Variants in MYBL2 observed in about 807,000 individuals in gnomAD.
MYBL2 encodes myb-related protein B.
Under a neutral mutation model 79.9 loss-of-function variants are expected in MYBL2, and 28 were observed. The observed-to-expected ratio is 0.35, with a 90% CI of 0.26 to 0.48. The LOEUF is 0.48. Among genes scored for constraint, MYBL2 ranks in the 20% least tolerant of loss-of-function variants. The pLI, the probability that MYBL2 is intolerant of heterozygous loss-of-function variation, is 0.99. For synonymous variants in MYBL2, 378 were observed against 361.2 expected (o/e 1.05, Z -0.53); for missense variants, 735 against 893.9 (o/e 0.82, Z 2.27).
chr20:43,673,694 C>T (rs779589268), intron 1 of MYBL2, 112 bp from the exon 2 acceptor site: 3 of 952,998 alleles, frequency 3.1e-6, no homozygotes, highest in South Asian at 2.6e-5. Context: ...AAAGTAAGAG[C>T]CTCTCTCCCC....
chr20:43,704,999 C>A (rs776395353), intron 8 of MYBL2, among the ~76,000 whole-genome samples: 1 of 152,088 alleles, frequency 6.6e-6, no homozygotes, highest in African/African-American at 2.4e-5. Flanking sequence ...ATTAGGGTGA[C>A]GGAAGCCCAG....
At chr20:43,713,529 A>T (rs1364527657) in intron 12 of MYBL2, among the ~76,000 whole-genome samples, 1 of 151,970 alleles carries the variant, frequency 6.6e-6, no homozygotes, top group Non-Finnish European at 1.5e-5. Context: ...CTGGGATTAC[A>T]GGCATGCATC....
At chr20:43,680,140 TCTG>T (rs1348658167) in intron 2 of MYBL2, among the ~76,000 whole-genome samples, 1 of 152,138 alleles carries the variant, frequency 6.6e-6, no homozygotes, top group Non-Finnish European at 1.5e-5. Context: ...AAGTGAATCT[TCTG>T]CTGCAGCCTC....
chr20:43,680,517 A>T (rs1987118532), intron 2 of MYBL2, among the ~76,000 whole-genome samples: 1 of 151,908 alleles, frequency 6.6e-6, no homozygotes, highest in Admixed American at 6.6e-5. Context: ...TTTGAGATGG[A>T]GTCTCACTCT....
At chr20:43,692,484 G>C (rs1987437115) in intron 6 of MYBL2, among the ~76,000 whole-genome samples, 165 bp downstream of exon 6, 1 of 152,196 alleles carries the variant, frequency 6.6e-6, no homozygotes, top group South Asian at 2.1e-4. Flanking sequence ...ACTGGCACTT[G>C]TCTGCCTGCA....
chr20:43,670,867 G>A (rs528124598), intron 1 of MYBL2, among the ~76,000 whole-genome samples: 3 of 152,112 alleles, frequency 2.0e-5, no homozygotes, highest in East Asian at 1.9e-4. Context: ...CCTGACCAAC[G>A]TGACCTGATG....
chr20:43,681,169 C>G (rs1249379810), intron 2 of MYBL2, among the ~76,000 whole-genome samples: 1 of 152,142 alleles, frequency 6.6e-6, no homozygotes, highest in Non-Finnish European at 1.5e-5. Context: ...TCTAACTACT[C>G]TTGTTTTTGC....
intron 1 of MYBL2, among the ~76,000 whole-genome samples, chr20:43,670,919 C>G (rs191035388): frequency 1.3e-5 from 2 of 151,694 alleles, no homozygotes; most frequent in African/African-American, 4.9e-5. Context: ...TACTAACTTT[C>G]CTCAAGCACC....
At chr20:43,686,769 C>T (rs113782476) in intron 4 of MYBL2, 83 bp from the exon 5 acceptor site, 10 of 1,387,900 alleles carry the variant, frequency 7.2e-6, no homozygotes, top group African/African-American at 4.2e-5. Context: ...AGGGCCATGG[C>T]AAGGCTCAGG....
intron 2 of MYBL2, 134 bp downstream of exon 2, chr20:43,674,033 T>C (rs1011296597): frequency 2.6e-6 from 2 of 774,544 alleles, no homozygotes; most frequent in Non-Finnish European, 4.4e-6. Flanking sequence ...GGTCCTCTGA[T>C]TGTCCTCATG....
intron 4 of MYBL2, among the ~76,000 whole-genome samples, 156 bp downstream of exon 4, chr20:43,683,042 G>A (rs879341216): frequency 1.3e-5 from 2 of 152,156 alleles, no homozygotes; most frequent in Non-Finnish European, 2.9e-5. Context: ...TGCTGCCCTG[G>A]CTCCAGCCCT....
chr20:43,703,823 C>T (rs1416600688), intron 8 of MYBL2, among the ~76,000 whole-genome samples: 2 of 152,076 alleles, frequency 1.3e-5, no homozygotes, highest in Non-Finnish European at 2.9e-5. Context: ...ACCACAGGCT[C>T]GGTGGATTTG....
At position 43,716,179 on chromosome 20, in the gene MYBL2, C is replaced by G; in HGVS notation, c.*92C>G. The G allele has an allele frequency of 6.4e-7, 1 of 1,573,874 alleles. No homozygotes were observed. Among genetic ancestry groups the G allele is most frequent in the Non-Finnish European group, 8.6e-7 (1 of 1,167,332 alleles). The stretch of plus-strand genomic sequence containing the variant: ...AATCTGAGAGTCATTCAGGTGACCT[C>G]CTGCAGGGAGCCTTCTGCCACCAGC... On this transcript the variant is annotated 3_prime_UTR_variant, in exon 14 of 14. Coordinates refer to ENST00000217026, the MANE Select transcript of MYBL2 (RefSeq NM_002466.4).
intron 1 of MYBL2, among the ~76,000 whole-genome samples, chr20:43,669,656 G>C (rs1443164146): frequency 6.6e-6 from 1 of 152,200 alleles, no homozygotes; most frequent in Admixed American, 6.5e-5. Flanking sequence ...CTGGAGTTAG[G>C]AAGGTTCAGA....
chr20:43,679,540 G>A (rs981824807), intron 2 of MYBL2, among the ~76,000 whole-genome samples: 5 of 152,036 alleles, frequency 3.3e-5, no homozygotes, highest in Admixed American at 2.0e-4. Context: ...AGGCCGAAGC[G>A]GGAGGATTGC....
chr20:43,678,028 C>G (rs929611757), intron 2 of MYBL2, among the ~76,000 whole-genome samples: 2 of 152,198 alleles, frequency 1.3e-5, no homozygotes, highest in African/African-American at 4.8e-5. Context: ...CTCTCTGAAA[C>G]GTGCTGTGTC....
chr20:43,678,111 C>T (rs1032824741), intron 2 of MYBL2, among the ~76,000 whole-genome samples: 6 of 152,034 alleles, frequency 3.9e-5, no homozygotes, highest in Admixed American at 6.6e-5. Flanking sequence ...GCAGCATGCT[C>T]GTTAAGAGTC....
At chr20:43,705,748 T>A (rs1383098954) in intron 9 of MYBL2, among the ~76,000 whole-genome samples, 2 of 151,840 alleles carry the variant, frequency 1.3e-5, no homozygotes, top group Non-Finnish European at 2.9e-5. Context: ...TTGCCCAGGC[T>A]GGAGTGCAAT....
chr20:43,685,147 C>CA (rs112163259), intron 4 of MYBL2, among the ~76,000 whole-genome samples: 170 of 129,758 alleles, frequency 1.3e-3, no homozygotes, highest in African/African-American at 3.7e-3. Flanking sequence ...AACTCTGTCT[C>CA]AAAAAAAAAA....
Sources: gnomAD v4.1 joint callset for allele counts (sites outside exome capture counted in the v4.1 genomes callset) on GRCh38, gnomAD v4.1.1 for gene constraint, MANE v1.5 for transcripts, NCBI Gene and HGNC (gene_info 2026-07-23, HGNC 2026-07-21) for gene names.